NOL10: variants seen among roughly 807,000 people sequenced by gnomAD.
NOL10 encodes the protein nucleolar protein 10.
Under a neutral mutation model 103.5 loss-of-function variants are expected in NOL10, and 58 were observed. That is an observed-to-expected ratio of 0.56 (90% CI 0.45 to 0.70). NOL10 has a LOEUF of 0.70. NOL10 is among the 30% of genes least tolerant of loss of function. The pLI, the probability that NOL10 is intolerant of heterozygous loss-of-function variation, is 0.00. For synonymous variants in NOL10, 287 were observed against 282.5 expected (o/e 1.02, Z -0.16); for missense variants, 763 against 807.3 (o/e 0.95, Z 0.67).
intron 9 of NOL10, among the ~76,000 whole-genome samples, chr2:10,659,903 AAGAC>A (rs1680082501): frequency 1.3e-5 from 2 of 152,186 alleles, no homozygotes; most frequent in Non-Finnish European, 2.9e-5. Context: ...GCTAAAATAA[AAGAC>A]TAATCCTCAA....
rs144697757 is a variant in NOL10, at chr2:10,658,666, C to A, written c.756+506G>T. Among the ~76,000 whole-genome samples the A allele has an allele frequency of 3.0e-4, 46 of 152,192 alleles. No individual in the cohort carries two copies. The East Asian group carries it at 8.3e-3, about 27-fold the overall frequency. Reference sequence around the variant, plus strand: ...GAATTCCTGAGAGCCTTCATTAAAACAGTATTGAAACCCACTGTCAATCTT... The same window carrying A: ...GAATTCCTGAGAGCCTTCATTAAAAAAGTATTGAAACCCACTGTCAATCTT... On this transcript the variant is annotated intron_variant, in intron 10 of 20. Coordinates refer to ENST00000381685, the MANE Select transcript of NOL10 (RefSeq NM_024894.4).
At chr2:10,592,019 C>A (rs2148167394) in intron 17 of NOL10, among the ~76,000 whole-genome samples, 1 of 148,674 alleles carries the variant, frequency 6.7e-6, no homozygotes, top group East Asian at 2.0e-4. Context: ...AACAAACAAA[C>A]AAACAAACCA....
Position 10,607,300 on chromosome 2 carries a change from A to G in NOL10, c.1038T>C (p.Pro346=). 1 of 1,603,630 alleles carries G rather than the reference A, an allele frequency of 6.2e-7. No individual in the cohort carries two copies. Among genetic ancestry groups the G allele is most frequent in the Non-Finnish European group, 8.5e-7 (1 of 1,175,300 alleles). ...CTAAGAAGGAACACCACCGAGGAGC[A>G]GGACCCAAAACCTGTTGGTGTTTAT... The part of the protein sequence containing the change: ...MGIYYIPVLG[P]APRWCSFLDN... The change falls in exon 14 of 21, where the codon CCT becomes CCC. Residue 346 remains proline, a synonymous_variant. Coordinates refer to ENST00000381685, the MANE Select transcript of NOL10 (RefSeq NM_024894.4).
At chr2:10,645,466 C>T (rs1456726351) in intron 12 of NOL10, among the ~76,000 whole-genome samples, 1 of 151,468 alleles carries the variant, frequency 6.6e-6, no homozygotes, top group East Asian at 1.9e-4. Context: ...ATATTTGACT[C>T]TATTACAGAA....
chr2:10,678,421 T>TA (rs34336101), intron 3 of NOL10, among the ~76,000 whole-genome samples: 5,795 of 116,630 alleles, frequency 0.05, 193 homozygotes, highest in African/African-American at 0.1. Flanking sequence ...AAAAAAGTGG[T>TA]AAAAAAAAAA....
intron 19 of NOL10, among the ~76,000 whole-genome samples, chr2:10,588,601 A>G (rs1475689754): frequency 6.6e-6 from 1 of 152,200 alleles, no homozygotes; most frequent in Non-Finnish European, 1.5e-5. Flanking sequence ...GTCATCTCCT[A>G]GCAACCACTG....
Position 10,600,907 on chromosome 2 carries a change from T to G in NOL10, c.1368A>C (p.Lys456Asn). The G allele has an allele frequency of 2.6e-6, 4 of 1,557,288 alleles. No homozygotes were observed. Among genetic ancestry groups the G allele is most frequent in the South Asian group, 2.4e-5 (2 of 84,006 alleles). ...LPKVNKELAL[K>N]LIEEEEEKQK... ...GCTTCTCCTCTTCTTCCTCAATTAA[T>G]TTAAGTGCCAGCTCTTTGTTAACTT... The change falls in exon 17 of 21, where the codon AAA (lysine) becomes AAC (asparagine). Residue 456 changes from lysine (K) to asparagine (N), a missense_variant. Physicochemically the swap from Lys to Asn is moderately conservative, Grantham distance 94 (BLOSUM62 0). Coordinates refer to ENST00000381685, the MANE Select transcript of NOL10 (RefSeq NM_024894.4).
rs191931694 is a variant in NOL10 at position 10,678,908 on chromosome 2, T to A, written c.212-3037A>T. Among the ~76,000 whole-genome samples the A allele has an allele frequency of 4.5e-3, 692 of 152,146 alleles. 2 individuals are homozygous for A. Among genetic ancestry groups the A allele is most frequent in the African/African-American group, 0.016 (664 of 41,538 alleles). On this transcript the variant is annotated intron_variant, in intron 3 of 20. Coordinates refer to ENST00000381685, the MANE Select transcript of NOL10 (RefSeq NM_024894.4). ...AGCCACTAGTAATGTGAGGCTAAGT[T>A]AAAATGAATTAAAATCAAATTAAAT...
chr2:10,613,964 A>ATTT (rs1553301420), intron 13 of NOL10, among the ~76,000 whole-genome samples: 61 of 132,504 alleles, frequency 4.6e-4, no homozygotes, highest in African/African-American at 1.2e-3. Context: ...CCCCATTAGA[A>ATTT]TTTTTTTTTT....
rs563998855 is a variant in NOL10 at position 10,616,750 on chromosome 2, T to C, written c.1027-9439A>G. ...CTTTTGTAGAGATGTAGTTTCGCCA[T>C]GTTGCCCAGGCTGGTCTTGAACTCC... On this transcript the variant is annotated intron_variant, in intron 13 of 20. Transcript: ENST00000381685. 7.4e-4 allele frequency among the ~76,000 whole-genome samples: 112 copies of C among 152,064 alleles called. 1 individual carries two copies. The South Asian group carries it at 0.023, about 31-fold the overall frequency.
At chr2:10,580,220 G>C (rs1435489214) in intron 19 of NOL10, among the ~76,000 whole-genome samples, 4 of 152,190 alleles carry the variant, frequency 2.6e-5, no homozygotes, top group Non-Finnish European at 5.9e-5. Context: ...ACTGCTGTAG[G>C]AACACCTGAA....
At chr2:10,677,469 T>G (rs1477025143) in intron 3 of NOL10, among the ~76,000 whole-genome samples, 1 of 150,554 alleles carries the variant, frequency 6.6e-6, no homozygotes, top group Non-Finnish European at 1.5e-5. Flanking sequence ...CTTTGGTGTT[T>G]TTTTTTTTTT....
intron 20 of NOL10, among the ~76,000 whole-genome samples, chr2:10,574,465 G>T (rs1674346321): frequency 6.6e-6 from 1 of 152,116 alleles, no homozygotes; most frequent in South Asian, 2.1e-4. Context: ...GGCTAACACG[G>T]TGAAACCGTG....
chr2:10,574,646 CAA>C (rs145471806), intron 20 of NOL10, among the ~76,000 whole-genome samples: 14 of 116,486 alleles, frequency 1.2e-4, no homozygotes, highest in Admixed American at 1.8e-4. Context: ...GACTCTGTCT[CAA>C]AAAAAAAAAA....
intron 13 of NOL10, among the ~76,000 whole-genome samples, chr2:10,632,338 C>T (rs1413311802): frequency 2.0e-5 from 3 of 152,228 alleles, no homozygotes; most frequent in African/African-American, 7.2e-5. Flanking sequence ...CATATGGTCT[C>T]TGTCACAGCT....
intron 3 of NOL10, 50 bp downstream of exon 3, chr2:10,681,921 G>A: frequency 2.6e-6 from 2 of 780,638 alleles, no homozygotes; most frequent in South Asian, 3.2e-5. Flanking sequence ...TCCCATCGCA[G>A]CATTTCCTGG....
At position 10,587,046 on chromosome 2, in the gene NOL10, T is replaced by TATATATATAC. The variant is rs1481477641; in HGVS notation, c.1844+1987_1844+1996dup. Reference sequence around the variant, plus strand: ...TAAATAACACAAAAAGTTAAATGTATATATATATACATATATATATACATA... The same window carrying TATATATATAC: ...TAAATAACACAAAAAGTTAAATGTATATATATATACATATATATACATATATATATACATA... On this transcript the variant is annotated intron_variant, in intron 19 of 20. Coordinates refer to ENST00000381685, the MANE Select transcript of NOL10 (RefSeq NM_024894.4). 1.1e-3 allele frequency among the ~76,000 whole-genome samples: 63 copies of TATATATATAC among 55,578 alleles called. 17 individuals carry two copies. Among genetic ancestry groups the TATATATATAC allele is most frequent in the Non-Finnish European group, 2.0e-3 (48 of 24,094 alleles). The allele number at this position is 55,578 out of a possible 152,430, so 36.5% of individuals were successfully genotyped here.
intron 13 of NOL10, chr2:10,622,020 C>T (rs1677175132): frequency 6.4e-6 from 3 of 468,770 alleles, no homozygotes; most frequent in Non-Finnish European, 1.3e-5. Context: ...ACTCACATTT[C>T]AAGTGCTCAA....
chr2:10,684,542 T>C (rs1233895223), intron 2 of NOL10, 25 bp downstream of exon 2: 10 of 1,553,970 alleles, frequency 6.4e-6, no homozygotes, highest in Non-Finnish European at 8.7e-6. Context: ...CTAACGCAGC[T>C]GAAGTGGGAA....
Sources: gnomAD v4.1 joint callset for allele counts (sites outside exome capture counted in the v4.1 genomes callset) on GRCh38, gnomAD v4.1.1 for gene constraint, MANE v1.5 for transcripts, NCBI Gene and HGNC (gene_info 2026-07-23, HGNC 2026-07-21) for gene names.